Variants in PCDH15 observed in about 807,000 individuals in gnomAD.
The protein encoded by PCDH15 is protocadherin related 15.
PCDH15 carries 129 observed loss-of-function variants against 178.5 expected under a neutral mutation model. The observed-to-expected ratio is 0.72, with a 90% confidence interval of 0.63 to 0.84. The LOEUF (loss-of-function observed/expected upper bound fraction) is 0.84, where lower values mean the gene tolerates loss of function less well. Ranked by LOEUF, PCDH15 falls within the 40% of genes least tolerant of loss-of-function variation. The pLI is 0.00. For synonymous variants in PCDH15, 800 were observed against 732.0 expected (o/e 1.09, Z -1.50); for missense variants, 2,230 against 2,099.9 (o/e 1.06, Z -1.21).
intron 13 of PCDH15, among the ~76,000 whole-genome samples, chr10:54,176,332 G>T (rs2047439717): frequency 6.6e-6 from 1 of 152,168 alleles, no homozygotes; most frequent in South Asian, 2.1e-4. Flanking sequence ...GGGAGATACA[G>T]TTGATAGCTG....
intron 3 of PCDH15, among the ~76,000 whole-genome samples, chr10:54,495,186 G>T (rs1182669330): frequency 6.6e-6 from 1 of 152,002 alleles, no homozygotes; most frequent in Non-Finnish European, 1.5e-5. Context: ...ATGTTCTAAT[G>T]TAATTTCTAC....
intron 3 of PCDH15, among the ~76,000 whole-genome samples, chr10:54,491,136 G>A (rs541016055): frequency 6.6e-6 from 1 of 152,234 alleles, no homozygotes; most frequent in South Asian, 2.1e-4. Flanking sequence ...TAGTAGAAAT[G>A]CAGTAGCAGT....
intron 1 of PCDH15, among the ~76,000 whole-genome samples, chr10:55,266,315 A>C (rs906933637): frequency 3.9e-5 from 6 of 152,088 alleles, no homozygotes; most frequent in African/African-American, 1.4e-4. Context: ...CCTGGGAGGA[A>C]TCTCACTGCT....
At chr10:55,494,901 T>G (rs982657907) in intron 2 of PCDH15, among the ~76,000 whole-genome samples, 1 of 151,816 alleles carries the variant, frequency 6.6e-6, no homozygotes, top group Non-Finnish European at 1.5e-5. Flanking sequence ...CTAAACAAAG[T>G]GATGTACTGT....
chr10:55,107,120 T>C (rs1837369284), intron 2 of PCDH15, among the ~76,000 whole-genome samples: 1 of 152,222 alleles, frequency 6.6e-6, no homozygotes, highest in African/African-American at 2.4e-5. Context: ...TCTTGAAATA[T>C]ATGAGTGCAT....
intron 2 of PCDH15, among the ~76,000 whole-genome samples, chr10:54,532,626 A>G (rs2084042067): frequency 6.6e-6 from 1 of 152,206 alleles, no homozygotes; most frequent in South Asian, 2.1e-4. Flanking sequence ...TCAAATTTGT[A>G]ACAATAAAAT....
chr10:54,456,546 C>T (rs1342635337), intron 3 of PCDH15, among the ~76,000 whole-genome samples: 2 of 152,192 alleles, frequency 1.3e-5, no homozygotes, highest in African/African-American at 2.4e-5. Context: ...GCAGAAGAAA[C>T]TTGCCTTGTC....
intron 3 of PCDH15, among the ~76,000 whole-genome samples, chr10:54,439,987 T>C (rs562184024): frequency 1.5e-4 from 23 of 152,194 alleles, no homozygotes; most frequent in African/African-American, 5.5e-4. Context: ...ACATAAAACC[T>C]GATCTCTTTT....
chr10:55,074,936 C>T (rs1354795612), intron 2 of PCDH15, among the ~76,000 whole-genome samples: 1 of 152,110 alleles, frequency 6.6e-6, no homozygotes, highest in African/African-American at 2.4e-5. Flanking sequence ...CTATGGATGG[C>T]TAGCCATTTC....
intron 2 of PCDH15, among the ~76,000 whole-genome samples, chr10:55,596,565 A>G (rs1181698420): frequency 1.3e-5 from 2 of 152,278 alleles, no homozygotes; most frequent in East Asian, 1.9e-4. Context: ...ATTATAAAAT[A>G]TAATAAAAGA....
At chr10:54,622,081 TA>T (rs746219014) in intron 2 of PCDH15, among the ~76,000 whole-genome samples, 82,962 of 151,166 alleles carry the variant, frequency 0.55, 22,757 homozygotes, top group Non-Finnish European at 0.57. Context: ...GTGAGTGATA[TA>T]TAGTAAGAAT....
At chr10:53,879,004 A>G (rs956770993) in intron 26 of PCDH15, among the ~76,000 whole-genome samples, 29 of 152,332 alleles carry the variant, frequency 1.9e-4, no homozygotes, top group African/African-American at 6.3e-4. Flanking sequence ...GGTACAAAGT[A>G]AACCTAAATC....
chr10:55,381,254 A>T (rs1394204982), intron 2 of PCDH15, among the ~76,000 whole-genome samples: 1 of 152,176 alleles, frequency 6.6e-6, no homozygotes, highest in Non-Finnish European at 1.5e-5. Context: ...AATAGTATCA[A>T]ACAATGAGGA....
chr10:55,128,575 T>C (rs1286426519), intron 2 of PCDH15, among the ~76,000 whole-genome samples: 1 of 152,012 alleles, frequency 6.6e-6, no homozygotes, highest in Non-Finnish European at 1.5e-5. Flanking sequence ...TATCAATTGT[T>C]ACCGCACCTT....
intron 18 of PCDH15, among the ~76,000 whole-genome samples, chr10:54,027,316 C>T (rs1228219928): frequency 6.6e-6 from 1 of 151,102 alleles, no homozygotes; most frequent in Non-Finnish European, 1.5e-5. Flanking sequence ...GAAGAACATT[C>T]CATGCTCATG....
In PCDH15 at chr10:54,196,359, C is replaced by G. The variant is rs553986708; in HGVS notation, c.1099-470G>C. Among the ~76,000 whole-genome samples the G allele has an allele frequency of 1.8e-3, 270 of 152,046 alleles. 2 individuals carry two copies. Among genetic ancestry groups the G allele is most frequent in the Admixed American group, 3.0e-3 (46 of 15,270 alleles). On this transcript the variant is annotated intron_variant, in intron 10 of 37. Coordinates refer to ENST00000644397, the MANE Select transcript of PCDH15 (RefSeq NM_001384140.1). ...GGGTTTCACCGTGTTAGCCAGGATGCTCTCGATCTCCTGACCTCGTGATCC... is the reference window on the plus strand; with the variant it reads ...GGGTTTCACCGTGTTAGCCAGGATGGTCTCGATCTCCTGACCTCGTGATCC...
rs940206575 is a variant in PCDH15, at chr10:54,506,417, GT to G, written c.157+21394del. On this transcript the variant is annotated intron_variant, in intron 3 of 37. Coordinates refer to ENST00000644397, the MANE Select transcript of PCDH15 (RefSeq NM_001384140.1). ...CTCAATTTTAGAGTTTTTGAGATGA[GT>G]TTTTTTTTGAGAAATTAACATTAAA... Among the ~76,000 whole-genome samples the G allele has an allele frequency of 5.5e-4, 83 of 151,098 alleles. 3 individuals are homozygous for G. The East Asian group carries it at 0.013, about 23-fold the overall frequency.
rs1554820651 is a variant in PCDH15 at position 53,822,913 on chromosome 10, GC to G, written c.4368-2684del. On this transcript the variant is annotated intron_variant, in intron 32 of 37. Coordinates refer to ENST00000644397, the MANE Select transcript of PCDH15 (RefSeq NM_001384140.1). ...CCAGTGTTTTCATTTTCAGCTTTCT[GC>G]CTGGTGCCTTGCCACTGCTGCAGAT... 1 of 1,613,952 alleles carries G rather than the reference GC, an allele frequency of 6.2e-7. No individual in the cohort carries two copies. The highest frequency in any genetic ancestry group is 1.1e-5 in the South Asian group (1 of 91,074).
chr10:54,265,143 C>G (rs2057589200), intron 8 of PCDH15, among the ~76,000 whole-genome samples: 2 of 151,986 alleles, frequency 1.3e-5, no homozygotes, highest in Admixed American at 1.3e-4. Context: ...CAGAAAAAAA[C>G]ATTCATATTC....
Sources: gnomAD v4.1 joint callset for allele counts (sites outside exome capture counted in the v4.1 genomes callset) on GRCh38, gnomAD v4.1.1 for gene constraint, MANE v1.5 for transcripts, NCBI Gene and HGNC (gene_info 2026-07-23, HGNC 2026-07-21) for gene names.